Variants in TMEM116 observed in about 807,000 individuals in gnomAD.
TMEM116 encodes transmembrane protein 116.
Under a neutral mutation model 44.3 loss-of-function variants are expected in TMEM116, and 38 were observed. The observed-to-expected ratio is 0.86, with a 90% CI of 0.66 to 1.12. The LOEUF (loss-of-function observed/expected upper bound fraction) is 1.12, where lower values mean the gene tolerates loss of function less well. TMEM116 is among the 50% of genes most tolerant of loss of function. TMEM116 has a pLI of 0.00. For synonymous variants in TMEM116, 132 were observed against 144.8 expected, an observed-to-expected ratio of 0.91 and a Z score of 0.64; for missense variants, 354 against 401.7, an observed-to-expected ratio of 0.88 and a Z score of 1.01.
rs377097648 is a variant in TMEM116, at chr12:112,000,690, A to T, written c.78+3110T>A. On this transcript the variant is annotated intron_variant, in intron 3 of 10. Transcript: ENST00000552374. ...TTATTCCAATAATGACCTAAATAAT[A>T]ACTTCTGCTAGCATCTCTTCTGAGT... 12 of 514,020 alleles carry T rather than the reference A, an allele frequency of 2.3e-5. 1 individual carries two copies. The highest frequency in any genetic ancestry group is 1.3e-3 in the Middle Eastern group (2 of 1,492). 31.8% of individuals were successfully genotyped at this position (514,020 alleles called of 1,614,324 possible).
chr12:111,931,678 G>A lies in TMEM116; in HGVS notation c.957C>T (p.Gly319=), dbSNP rs1215974275. 3 of 1,614,124 alleles carry A rather than the reference G, an allele frequency of 1.9e-6. No individual in the cohort carries two copies. Among genetic ancestry groups the A allele is most frequent in the East Asian group, 4.5e-5 (2 of 44,890 alleles). ...TCAGGGTGGATTCCAGTGAATTTAAGCCCCTGCTATAGAATCTCTTCTGTG... is the reference window on the plus strand; with the variant it reads ...TCAGGGTGGATTCCAGTGAATTTAAACCCCTGCTATAGAATCTCTTCTGTG... ...LCSQKRFYSR[G]LNSLESTLTF... is the part of the protein sequence containing the mutation. The change falls in exon 11 of 11, where the codon GGC becomes GGT. Residue 319 remains glycine (G), a synonymous_variant. Coordinates refer to ENST00000552374, the MANE Select transcript of TMEM116 (RefSeq NM_001193531.2).
intron 4 of TMEM116, among the ~76,000 whole-genome samples, chr12:111,987,054 A>G (rs539180899): frequency 2.2e-4 from 33 of 152,314 alleles, no homozygotes; most frequent in African/African-American, 7.7e-4. Flanking sequence ...TTGTAACAAA[A>G]TTTATAAAAC....
At chr12:111,993,404 C>T in intron 3 of TMEM116, 1 of 548,916 alleles carries the variant, frequency 1.8e-6, no homozygotes, top group South Asian at 1.4e-5. Context: ...GCAAGTTTGG[C>T]TTTTATGAAG....
chr12:111,993,455 T>C (rs920845235), intron 3 of TMEM116: 2 of 562,746 alleles, frequency 3.6e-6, no homozygotes, highest in Non-Finnish European at 7.1e-6. Context: ...CAGAGCATGT[T>C]ATCTCTGGTG....
rs2073023029 is a variant in TMEM116, at chr12:111,943,408, C to A, written c.211-39G>T. 2.8e-6 allele frequency: 4 copies of A among 1,416,394 alleles called. No individual in the cohort carries two copies. In the South Asian group the frequency reaches 4.6e-5, roughly 16 times the overall value. The allele number at this position is 1,416,394 out of a possible 1,614,324, so 87.7% of individuals were successfully genotyped here. A position where few individuals can be genotyped will look rare whatever the true frequency, so the allele number is the denominator to read the frequency against. On this transcript the variant is annotated intron_variant, in intron 4 of 10. Coordinates refer to ENST00000552374, the MANE Select transcript of TMEM116 (RefSeq NM_001193531.2). ...AAAACAACCCATCATAACTATCTCACTCTGACACTGTGAAGTTCTTTCAAC... is the reference window on the plus strand; with the variant it reads ...AAAACAACCCATCATAACTATCTCAATCTGACACTGTGAAGTTCTTTCAAC...
At chr12:112,007,534 C>G (rs1416638835) in intron 1 of TMEM116, among the ~76,000 whole-genome samples, 1 of 152,174 alleles carries the variant, frequency 6.6e-6, no homozygotes, top group East Asian at 1.9e-4. Context: ...AATCACTTTG[C>G]TTAAATTGTT....
chr12:111,941,782 T>C (rs1250177948), intron 5 of TMEM116, among the ~76,000 whole-genome samples: 2 of 152,120 alleles, frequency 1.3e-5, no homozygotes, highest in Admixed American at 6.6e-5. Flanking sequence ...TCTCTGCCCC[T>C]ACCCTTCTTC....
chr12:111,932,467 T>G (rs1444005659), intron 10 of TMEM116, 119 bp downstream of exon 10: 1 of 788,192 alleles, frequency 1.3e-6, no homozygotes, highest in Non-Finnish European at 2.1e-6. Context: ...TAATACATTT[T>G]CTCTTTTGCA....
chr12:111,949,618 A>G (rs1870051413), intron 4 of TMEM116, among the ~76,000 whole-genome samples: 1 of 152,202 alleles, frequency 6.6e-6, no homozygotes, highest in African/African-American at 2.4e-5. Context: ...AAAAATCGCA[A>G]TTATGGTAAA....
chr12:111,976,069 T>C (rs1436927320), intron 4 of TMEM116, among the ~76,000 whole-genome samples: 1 of 151,914 alleles, frequency 6.6e-6, no homozygotes, highest in Non-Finnish European at 1.5e-5. Context: ...AGTGCAGTGG[T>C]GCGATCTTGG....
chr12:111,971,015 A>T (rs939483313), intron 4 of TMEM116, among the ~76,000 whole-genome samples: 1 of 152,226 alleles, frequency 6.6e-6, no homozygotes, highest in African/African-American at 2.4e-5. Flanking sequence ...GCAAGCAAAA[A>T]GTGCAGTAAC....
At chr12:111,942,256 C>CTTGTTT (rs1313380687) in intron 5 of TMEM116, among the ~76,000 whole-genome samples, 1 of 149,008 alleles carries the variant, frequency 6.7e-6, no homozygotes, top group East Asian at 2.0e-4. Flanking sequence ...ATTTTGTTTG[C>CTTGTTT]TTGTTTTTGT....
chr12:111,975,814 A>G (rs1227173376), intron 4 of TMEM116, among the ~76,000 whole-genome samples: 1 of 151,994 alleles, frequency 6.6e-6, no homozygotes, highest in African/African-American at 2.4e-5. Context: ...CACTGAGAAA[A>G]AGTTCTGAAG....
intron 1 of TMEM116, among the ~76,000 whole-genome samples, chr12:112,008,710 G>A (rs555083276): frequency 2.1e-4 from 32 of 152,176 alleles, no homozygotes; most frequent in Admixed American, 1.6e-3. Context: ...GGTGGAGTAC[G>A]CCTGTAATCC....
chr12:111,996,039 CAAAA>C (rs60431093), intron 3 of TMEM116, among the ~76,000 whole-genome samples: 1 of 53,676 alleles, frequency 1.9e-5, no homozygotes, highest in Non-Finnish European at 4.4e-5. Context: ...GACCCTGTCT[CAAAA>C]AAAAAAAAAA....
At chr12:111,986,712 G>A (rs2076247950) in intron 4 of TMEM116, among the ~76,000 whole-genome samples, 1 of 151,984 alleles carries the variant, frequency 6.6e-6, no homozygotes, top group South Asian at 2.1e-4. Context: ...GGGAGGCTGA[G>A]GTGGGAGGAT....
At chr12:111,991,376 T>C (rs981581076) in intron 4 of TMEM116, among the ~76,000 whole-genome samples, 12 of 150,184 alleles carry the variant, frequency 8.0e-5, no homozygotes, top group African/African-American at 2.9e-4. Context: ...CAAAAAAAAT[T>C]AGTCGGGCGC....
intron 6 of TMEM116, 120 bp from the exon 7 acceptor site, chr12:111,937,363 C>T (rs1448482995): frequency 1.3e-6 from 1 of 751,180 alleles, no homozygotes. Context: ...ACAAATAACA[C>T]ATTTAATTTC....
rs1353482270 is a variant in TMEM116, at chr12:111,931,518, T to G, written c.*103A>C. The G allele has an allele frequency of 1.8e-6, 2 of 1,140,706 alleles. No homozygotes were observed. Among genetic ancestry groups the G allele is most frequent in the African/African-American group, 3.1e-5 (2 of 65,094 alleles). The allele number at this position is 1,140,706 out of a possible 1,614,324, so 70.7% of individuals were successfully genotyped here. ...CTATATTTCCTTTGAGTTCTGCAGT[T>G]TAGGGCATAGTTAGAAAAGATTTAA... On this transcript the variant is annotated 3_prime_UTR_variant, in exon 11 of 11. Coordinates refer to ENST00000552374, the MANE Select transcript of TMEM116 (RefSeq NM_001193531.2).
Sources: gnomAD v4.1 joint callset for allele counts (sites outside exome capture counted in the v4.1 genomes callset) on GRCh38, gnomAD v4.1.1 for gene constraint, MANE v1.5 for transcripts, NCBI Gene and HGNC (gene_info 2026-07-23, HGNC 2026-07-21) for gene names.